The following LRRC4C variants were observed in gnomAD, a reference collection of about 807,000 sequenced individuals.
LRRC4C encodes the protein leucine-rich repeat-containing protein 4C.
In LRRC4C, 5 loss-of-function variants were observed where a neutral mutation model predicts 33.6. The ratio of observed to expected loss-of-function variants is 0.15; its 90% CI spans 0.08 to 0.31. The LOEUF (loss-of-function observed/expected upper bound fraction) is 0.31. LRRC4C is among the 10% of genes least tolerant of loss of function. The pLI is 1.00. For missense variants in LRRC4C, 560 were observed against 796.7 expected (o/e 0.70, Z 3.58); for synonymous variants, 329 against 302.0 (o/e 1.09, Z -0.93).
At chr11:41,103,154 T>C (rs1238946967) in intron 1 of LRRC4C, among the ~76,000 whole-genome samples, 1 of 151,992 alleles carries the variant, frequency 6.6e-6, no homozygotes, top group African/African-American at 2.4e-5. Context: ...TATTTTCTTT[T>C]TGTTTATTAT....
intron 1 of LRRC4C, among the ~76,000 whole-genome samples, chr11:41,140,308 T>C (rs1943447402): frequency 6.7e-6 from 1 of 149,160 alleles, no homozygotes; most frequent in Admixed American, 6.7e-5. Flanking sequence ...CTTCTCCATA[T>C]GAGTTAGGAA....
intron 1 of LRRC4C, among the ~76,000 whole-genome samples, chr11:41,215,014 G>A (rs1946992712): frequency 3.1e-5 from 4 of 131,078 alleles, no homozygotes; most frequent in African/African-American, 8.7e-5. Context: ...TTTTATTCAT[G>A]TATATATATA....
At chr11:41,043,028 C>T (rs1186658079) in intron 1 of LRRC4C, among the ~76,000 whole-genome samples, 4 of 130,304 alleles carry the variant, frequency 3.1e-5, no homozygotes, top group African/African-American at 2.9e-5. Context: ...TTGCTTTATG[C>T]AAGTCTCATC....
chr11:41,153,771 T>C (rs1252915949), intron 1 of LRRC4C, among the ~76,000 whole-genome samples: 1 of 152,204 alleles, frequency 6.6e-6, no homozygotes, highest in East Asian at 1.9e-4. Context: ...AATACTAGGT[T>C]CTAATCCTTG....
intron 4 of LRRC4C, among the ~76,000 whole-genome samples, chr11:40,301,168 G>A (rs1178974544): frequency 1.3e-5 from 2 of 152,186 alleles, no homozygotes; most frequent in African/African-American, 2.4e-5. Flanking sequence ...TTTGAGGAGT[G>A]ACTTAAAGTA....
At chr11:41,266,975 C>A (rs1241459363) in intron 1 of LRRC4C, among the ~76,000 whole-genome samples, 1 of 152,082 alleles carries the variant, frequency 6.6e-6, no homozygotes, top group Non-Finnish European at 1.5e-5. Flanking sequence ...CTATACAAGG[C>A]AATATACAAA....
At chr11:41,386,477 A>T (rs1354743287) in intron 1 of LRRC4C, among the ~76,000 whole-genome samples, 1 of 151,690 alleles carries the variant, frequency 6.6e-6, no homozygotes, top group Non-Finnish European at 1.5e-5. Flanking sequence ...CTAGTATCTT[A>T]ACTGCAGGCT....
chr11:40,826,739 T>C (rs1175881648), intron 2 of LRRC4C, among the ~76,000 whole-genome samples: 1 of 151,922 alleles, frequency 6.6e-6, no homozygotes, highest in Non-Finnish European at 1.5e-5. Flanking sequence ...ATATCTTGAA[T>C]TTTTCCATAA....
chr11:40,154,778 A>G (rs1166658524), intron 5 of LRRC4C, among the ~76,000 whole-genome samples: 1 of 152,196 alleles, frequency 6.6e-6, no homozygotes, highest in Non-Finnish European at 1.5e-5. Flanking sequence ...TACACCACTG[A>G]CAGCACTAGT....
At chr11:41,183,955 G>A (rs890059931) in intron 1 of LRRC4C, among the ~76,000 whole-genome samples, 39 of 152,168 alleles carry the variant, frequency 2.6e-4, no homozygotes, top group Non-Finnish European at 2.6e-4. Context: ...GCCAAGGCTT[G>A]GGGCTTCTAC....
chr11:41,045,292 T>A (rs1857694909), intron 1 of LRRC4C, among the ~76,000 whole-genome samples: 1 of 152,046 alleles, frequency 6.6e-6, no homozygotes, highest in East Asian at 1.9e-4. Context: ...GGGGCATAGA[T>A]AATAGTTGGC....
intron 1 of LRRC4C, among the ~76,000 whole-genome samples, chr11:41,416,658 G>C (rs558454790): frequency 1.3e-5 from 2 of 151,818 alleles, no homozygotes; most frequent in South Asian, 4.2e-4. Context: ...AGTCAGGGCA[G>C]CTGGCTCTGA....
At chr11:40,669,609 T>A (rs1348570447) in intron 2 of LRRC4C, among the ~76,000 whole-genome samples, 1 of 152,256 alleles carries the variant, frequency 6.6e-6, no homozygotes, top group African/African-American at 2.4e-5. Flanking sequence ...TCAGCACTTG[T>A]GTGCTTTCTA....
chr11:40,185,850 G>A (rs1454746999), intron 5 of LRRC4C, among the ~76,000 whole-genome samples: 5 of 152,034 alleles, frequency 3.3e-5, no homozygotes, highest in South Asian at 2.1e-4. Flanking sequence ...AAGATGCAAC[G>A]TCCAGGACCC....
chr11:40,577,832 CTTTTT>C (rs56061263), intron 3 of LRRC4C, among the ~76,000 whole-genome samples: 26,557 of 118,584 alleles, frequency 0.22, 1,833 homozygotes, highest in Middle Eastern at 0.35. Context: ...TTTCTTTTTT[CTTTTT>C]TTTTTTTTTT....
At chr11:40,748,003 A>T (rs1948507098) in intron 2 of LRRC4C, among the ~76,000 whole-genome samples, 5 of 152,182 alleles carry the variant, frequency 3.3e-5, no homozygotes, top group Admixed American at 3.3e-4. Flanking sequence ...AATAGGATGG[A>T]TGAAAACTTC....
intron 4 of LRRC4C, among the ~76,000 whole-genome samples, chr11:40,260,714 CAT>C (rs1017568387): frequency 3.9e-5 from 6 of 152,094 alleles, no homozygotes; most frequent in African/African-American, 1.4e-4. Context: ...CAGAAAATAA[CAT>C]ATGGATAGAG....
At chr11:40,293,847 C>T (rs1169526688) in intron 4 of LRRC4C, 5 of 152,400 alleles carry the variant, frequency 3.3e-5, no homozygotes, top group African/African-American at 4.8e-5. Context: ...CTCCGCGCCG[C>T]CCTTAGCGCC....
chr11:41,235,112 A>G (rs1947961171), intron 1 of LRRC4C, among the ~76,000 whole-genome samples: 1 of 152,028 alleles, frequency 6.6e-6, no homozygotes, highest in Non-Finnish European at 1.5e-5. Context: ...GATCTGAAAT[A>G]CTCACTACTC....
Sources: allele counts gnomAD v4.1 joint callset (sites outside exome capture counted in the v4.1 genomes callset), GRCh38; gene constraint gnomAD v4.1.1; transcripts MANE v1.5; gene names NCBI Gene and HGNC (gene_info 2026-07-23, HGNC 2026-07-21).